AFAP1: variants seen among roughly 807,000 people sequenced by gnomAD.
AFAP1 encodes actin filament associated protein 1.
A neutral mutation model predicts 93.9 loss-of-function variants in AFAP1; 75 were observed. The ratio of observed to expected loss-of-function variants is 0.80; its 90% CI spans 0.66 to 0.97. AFAP1 has a LOEUF of 0.97. Among genes scored for constraint, AFAP1 ranks in the 50% least tolerant of loss-of-function variants. The pLI is 0.00. For synonymous variants in AFAP1, 517 were observed against 430.7 expected (o/e 1.20, Z -2.48); for missense variants, 1,201 against 1,050.8 (o/e 1.14, Z -1.98).
intron 4 of AFAP1, 84 bp downstream of exon 4, chr4:7,855,382 C>T (rs988238640): frequency 1.9e-5 from 21 of 1,084,142 alleles, no homozygotes; most frequent in Non-Finnish European, 2.7e-5. Context: ...ACCCTGTTGC[C>T]CTTCCTACCC....
At chr4:7,923,935 T>C (rs1038284971) in intron 1 of AFAP1, among the ~76,000 whole-genome samples, 4 of 152,200 alleles carry the variant, frequency 2.6e-5, no homozygotes, top group African/African-American at 9.7e-5. Flanking sequence ...TTTATAACAA[T>C]GTCTTTTCAA....
chr4:7,850,657 C>T (rs892443897), intron 4 of AFAP1, among the ~76,000 whole-genome samples: 19 of 152,220 alleles, frequency 1.2e-4, no homozygotes, highest in East Asian at 5.8e-4. Context: ...CAGCACAGGG[C>T]GCCAGGCCCT....
At chr4:7,818,960 CT>C in intron 7 of AFAP1, 115 bp downstream of exon 7, 1 of 988,422 alleles carries the variant, frequency 1.0e-6, no homozygotes, top group Non-Finnish European at 1.4e-6. Flanking sequence ...CACGACTGCA[CT>C]TTTTCTTTTT....
intron 1 of AFAP1, 119 bp from the exon 2 acceptor site, chr4:7,872,199 G>T: frequency 7.7e-7 from 1 of 1,302,516 alleles, no homozygotes. Flanking sequence ...ATAGTATTCT[G>T]ACCTAAAAAA....
Position 7,774,819 on chromosome 4 carries a change from C to T in AFAP1, c.1982G>A (p.Arg661Lys), listed in dbSNP as rs755649878. ...CAGCCTATTCCGCAGGGCCTCTTTC[C>T]TCTTCAGCAGCTCCTCCTCTTTGGT... The part of the protein sequence containing the change: ...LQTKEEELLK[R>K]KEALRNRLAQ... Residue 661 changes from arginine (R) to lysine (K), a missense_variant, in exon 15 of 18, where the codon AGG becomes AAG. Arg to Lys is a conservative substitution (Grantham distance 26). Coordinates refer to ENST00000420658, the MANE Select transcript of AFAP1 (RefSeq NM_001134647.2). 3 of 1,614,216 alleles carry T rather than the reference C, an allele frequency of 1.9e-6. No homozygotes were observed. Among genetic ancestry groups the T allele is most frequent in the South Asian group, 1.1e-5 (1 of 91,082 alleles).
intron 4 of AFAP1, among the ~76,000 whole-genome samples, chr4:7,848,183 G>GAGGA (rs71175432): frequency 1.6e-5 from 1 of 62,966 alleles, no homozygotes; most frequent in African/African-American, 5.3e-5. Flanking sequence ...GGGAGGGAGG[G>GAGGA]AGGAAGGAAG....
chr4:7,764,139 G>C (rs1274290058), intron 17 of AFAP1, among the ~76,000 whole-genome samples: 1 of 152,198 alleles, frequency 6.6e-6, no homozygotes, highest in African/African-American at 2.4e-5. Flanking sequence ...TCTGACACAC[G>C]CTGCAACCTG....
intron 11 of AFAP1, among the ~76,000 whole-genome samples, chr4:7,791,515 G>A (rs1456258693): frequency 6.6e-6 from 1 of 152,028 alleles, no homozygotes; most frequent in Non-Finnish European, 1.5e-5. Context: ...AATACCTGCT[G>A]GATTTGAAAT....
intron 5 of AFAP1, among the ~76,000 whole-genome samples, chr4:7,841,924 C>T (rs934881809): frequency 6.6e-6 from 1 of 151,962 alleles, no homozygotes. Flanking sequence ...GGAGAGGGAC[C>T]AGGGACTCAG....
intron 17 of AFAP1, among the ~76,000 whole-genome samples, chr4:7,767,866 G>T (rs769289809): frequency 6.6e-6 from 1 of 152,202 alleles, no homozygotes; most frequent in African/African-American, 2.4e-5. Context: ...TTGAGCCCAG[G>T]AGTTTGATAC....
intron 9 of AFAP1, among the ~76,000 whole-genome samples, chr4:7,804,115 C>A (rs1339129520): frequency 6.6e-6 from 1 of 151,616 alleles, no homozygotes; most frequent in Non-Finnish European, 1.5e-5. Context: ...CAATCTGACA[C>A]CTCTAGCCTG....
At chr4:7,923,584 T>A (rs1720553482) in intron 1 of AFAP1, among the ~76,000 whole-genome samples, 1 of 152,184 alleles carries the variant, frequency 6.6e-6, no homozygotes, top group Non-Finnish European at 1.5e-5. Context: ...GTTCAAGCAA[T>A]TCTCCTGCCT....
At chr4:7,929,711 G>A (rs1577367930) in intron 1 of AFAP1, among the ~76,000 whole-genome samples, 1 of 152,306 alleles carries the variant, frequency 6.6e-6, no homozygotes, top group East Asian at 1.9e-4. Context: ...CCCCACCTGG[G>A]CTGGAATGCT....
intron 8 of AFAP1, among the ~76,000 whole-genome samples, chr4:7,811,801 T>C (rs1163000438): frequency 6.6e-6 from 1 of 152,158 alleles, no homozygotes; most frequent in Non-Finnish European, 1.5e-5. Context: ...TGCATGTTGT[T>C]TCAGCCACGC....
chr4:7,782,582 T>C (rs1298442750), intron 12 of AFAP1, among the ~76,000 whole-genome samples: 1 of 152,180 alleles, frequency 6.6e-6, no homozygotes, highest in Non-Finnish European at 1.5e-5. Context: ...ACATGGGTAT[T>C]AAAGTATTAA....
At chr4:7,793,956 G>A in intron 10 of AFAP1, 130 bp from the exon 11 acceptor site, 1 of 1,080,062 alleles carries the variant, frequency 9.3e-7, no homozygotes, top group Non-Finnish European at 1.3e-6. Context: ...AAACGAAAAG[G>A]AAGATGGCTG....
intron 8 of AFAP1, among the ~76,000 whole-genome samples, chr4:7,811,999 C>G (rs576023170): frequency 3.3e-5 from 5 of 151,166 alleles, no homozygotes; most frequent in African/African-American, 9.7e-5. Context: ...AATAAAGCGC[C>G]GAGACTGGCT....
chr4:7,917,713 T>A (rs1473709000), intron 1 of AFAP1, among the ~76,000 whole-genome samples: 1 of 152,076 alleles, frequency 6.6e-6, no homozygotes, highest in Non-Finnish European at 1.5e-5. Flanking sequence ...AACTTAGAGA[T>A]AAAATGTCTA....
intron 5 of AFAP1, among the ~76,000 whole-genome samples, chr4:7,841,619 G>C (rs1239165377): frequency 2.0e-5 from 3 of 152,158 alleles, no homozygotes; most frequent in African/African-American, 7.2e-5. Flanking sequence ...TATTTGCTTT[G>C]ATCACTGTTC....
Sources: gnomAD v4.1 joint callset for allele counts (sites outside exome capture counted in the v4.1 genomes callset) on GRCh38, gnomAD v4.1.1 for gene constraint, MANE v1.5 for transcripts, NCBI Gene and HGNC (gene_info 2026-07-23, HGNC 2026-07-21) for gene names.